Variants in SPMIP7 observed in about 807,000 individuals in gnomAD.
SPMIP7 encodes protein SPMIP7.
At chr7:50,096,509 G>C in the SPMIP7 span, 1 of 1,551,758 alleles carries the variant, frequency 6.4e-7, no homozygotes, top group South Asian at 1.2e-5. Flanking sequence ...TCAACATCGA[G>C]TTCCCAGACC....
At chr7:50,129,598 G>C in the SPMIP7 span, 2 of 706,968 alleles carry the variant, frequency 2.8e-6, no homozygotes, top group Non-Finnish European at 4.9e-6. Context: ...CAATCCAAGA[G>C]GTGCGTGAAA....
chr7:50,105,610 G>A, the SPMIP7 span, among the ~76,000 whole-genome samples: 1 of 152,166 alleles, frequency 6.6e-6, no homozygotes, highest in Non-Finnish European at 1.5e-5. Flanking sequence ...GTCATTTAAA[G>A]TATATGTCCT....
the SPMIP7 span, chr7:50,151,682 C>A: frequency 4.4e-6 from 3 of 677,014 alleles, no homozygotes; most frequent in Non-Finnish European, 7.0e-6. Flanking sequence ...AAAAATGTGG[C>A]ATCAAGTCCG....
the SPMIP7 span, among the ~76,000 whole-genome samples, chr7:50,110,716 G>A: frequency 1.4e-5 from 1 of 73,244 alleles, no homozygotes; most frequent in Non-Finnish European, 2.6e-5. Flanking sequence ...ATAATATATT[G>A]CATATATTAT....
chr7:50,127,589 T>C, the SPMIP7 span, among the ~76,000 whole-genome samples: 1 of 147,392 alleles, frequency 6.8e-6, no homozygotes, highest in Non-Finnish European at 1.5e-5. Flanking sequence ...TATGTGTTAT[T>C]CTGAAAAACG....
At chr7:50,155,716 C>T in the SPMIP7 span, among the ~76,000 whole-genome samples, 1 of 150,732 alleles carries the variant, frequency 6.6e-6, no homozygotes, top group Non-Finnish European at 1.5e-5. Flanking sequence ...GAGAATATAA[C>T]TTGTATCTTT....
the SPMIP7 span, chr7:50,142,181 G>A: frequency 1.3e-5 from 2 of 152,166 alleles, no homozygotes; most frequent in African/African-American, 4.8e-5. Flanking sequence ...GAAGGATATA[G>A]GAAGAAAGCT....
At chr7:50,105,916 G>A in the SPMIP7 span, among the ~76,000 whole-genome samples, 1 of 152,218 alleles carries the variant, frequency 6.6e-6, no homozygotes, top group African/African-American at 2.4e-5. Flanking sequence ...TGAAGACCTT[G>A]TTGCCTTTTT....
At chr7:50,159,203 C>T in the SPMIP7 span, 30 of 1,543,994 alleles carry the variant, frequency 1.9e-5, no homozygotes, top group East Asian at 3.9e-4. Context: ...TCCAGGCCTC[C>T]GCCTGGGGAA....
the SPMIP7 span, among the ~76,000 whole-genome samples, chr7:50,155,943 T>C: frequency 8.9e-6 from 1 of 112,142 alleles, no homozygotes; most frequent in South Asian, 2.9e-4. Context: ...CAGATAACTC[T>C]CTAGAAAAAG....
chr7:50,151,449 G>A, the SPMIP7 span: 3 of 1,547,786 alleles, frequency 1.9e-6, no homozygotes, highest in Admixed American at 2.0e-5. Context: ...CTTCACTTTA[G>A]TGCTGCAAAT....
the SPMIP7 span, among the ~76,000 whole-genome samples, chr7:50,145,713 A>G: frequency 7.1e-6 from 1 of 141,406 alleles, no homozygotes; most frequent in African/African-American, 2.6e-5. Context: ...TGCATCTCAC[A>G]CTTGTATTTC....
chr7:50,158,381 CAT>C, the SPMIP7 span, among the ~76,000 whole-genome samples: 35 of 150,772 alleles, frequency 2.3e-4, no homozygotes, highest in African/African-American at 7.8e-4. Flanking sequence ...TCCCCCAACC[CAT>C]GTCTTCTCCA....
At chr7:50,141,094 A>G in the SPMIP7 span, among the ~76,000 whole-genome samples, 1 of 152,248 alleles carries the variant, frequency 6.6e-6, no homozygotes, top group African/African-American at 2.4e-5. Context: ...CTCATTCTGA[A>G]GAAGAGAAAA....
chr7:50,151,707 A>T, the SPMIP7 span: 6 of 604,618 alleles, frequency 9.9e-6, no homozygotes, highest in Non-Finnish European at 1.4e-5. Flanking sequence ...AGAAAAAAAG[A>T]TAATTTTCCA....
chr7:50,127,626 T>TATATATATATAC, the SPMIP7 span, among the ~76,000 whole-genome samples: 3 of 148,740 alleles, frequency 2.0e-5, no homozygotes, highest in Admixed American at 1.3e-4. Flanking sequence ...TCTATATATA[T>TATATATATATAC]ATATATATAC....
chr7:50,104,313 G>A, the SPMIP7 span: 5 of 1,489,512 alleles, frequency 3.4e-6, no homozygotes, highest in Non-Finnish European at 3.6e-6. Flanking sequence ...TGTGTTTTCA[G>A]GTTGGACAAG....
At chr7:50,143,494 G>A in the SPMIP7 span, among the ~76,000 whole-genome samples, 20 of 152,044 alleles carry the variant, frequency 1.3e-4, no homozygotes, top group Non-Finnish European at 2.9e-4. Context: ...CAAGGGTCAA[G>A]GCCATTTACT....
the SPMIP7 span, among the ~76,000 whole-genome samples, chr7:50,131,896 A>T: frequency 6.6e-6 from 1 of 152,092 alleles, no homozygotes; most frequent in African/African-American, 2.4e-5. Context: ...TAAAGAAATG[A>T]CAACACGTGT....
Sources: allele counts gnomAD v4.1 joint callset (sites outside exome capture counted in the v4.1 genomes callset), GRCh38; gene constraint gnomAD v4.1.1; transcripts MANE v1.5; gene names NCBI Gene and HGNC (gene_info 2026-07-23, HGNC 2026-07-21).